XKR4: variants seen among roughly 807,000 people sequenced by gnomAD.
XKR4 encodes the protein XK related 4.
In XKR4, 12 loss-of-function variants were observed where a neutral mutation model predicts 53.9. That is an observed-to-expected ratio of 0.22 (90% confidence interval 0.14 to 0.36). The LOEUF (loss-of-function observed/expected upper bound fraction) is 0.36, where lower values mean the gene tolerates loss of function less well. Ranked by LOEUF, XKR4 falls within the 10% of genes least tolerant of loss-of-function variation. XKR4 has a pLI of 1.00. For missense variants in XKR4, 799 were observed against 859.5 expected, an observed-to-expected ratio of 0.93 and a Z score of 0.88; for synonymous variants, 354 against 362.4, an observed-to-expected ratio of 0.98 and a Z score of 0.26.
intron 1 of XKR4, among the ~76,000 whole-genome samples, chr8:55,187,639 C>T (rs1395482221): frequency 6.6e-6 from 1 of 152,194 alleles, no homozygotes; most frequent in Non-Finnish European, 1.5e-5. Context: ...AAAATACCTT[C>T]ATTTCAGGTT....
intron 2 of XKR4, among the ~76,000 whole-genome samples, chr8:55,365,739 C>T (rs975105583): frequency 6.8e-6 from 1 of 147,614 alleles, no homozygotes; most frequent in African/African-American, 2.5e-5. Context: ...GGATTTAGAT[C>T]GAGGAATGGG....
chr8:55,348,765 T>C (rs547275299), intron 1 of XKR4, among the ~76,000 whole-genome samples: 2 of 147,280 alleles, frequency 1.4e-5, no homozygotes, highest in East Asian at 4.0e-4. Flanking sequence ...GATACAGAAA[T>C]AGGTAGAGAT....
intron 2 of XKR4, among the ~76,000 whole-genome samples, chr8:55,365,356 G>A (rs993736817): frequency 1.3e-5 from 2 of 152,192 alleles, no homozygotes; most frequent in African/African-American, 4.8e-5. Flanking sequence ...TTTTTGTGAT[G>A]ATGTATCAAG....
intron 2 of XKR4, among the ~76,000 whole-genome samples, chr8:55,502,656 T>C (rs1036055342): frequency 6.6e-6 from 1 of 152,146 alleles, no homozygotes; most frequent in African/African-American, 2.4e-5. Flanking sequence ...CAAATATTTT[T>C]CCCATTCTAT....
intron 1 of XKR4, among the ~76,000 whole-genome samples, chr8:55,196,175 C>CTTTT (rs1032613430): frequency 3.1e-4 from 39 of 125,944 alleles, no homozygotes; most frequent in Admixed American, 5.9e-4. Flanking sequence ...GTTGTGCTTC[C>CTTTT]TTTTTTTTTT....
chr8:55,507,159 A>G (rs1214008406), intron 2 of XKR4, among the ~76,000 whole-genome samples: 1 of 152,224 alleles, frequency 6.6e-6, no homozygotes, highest in African/African-American at 2.4e-5. Flanking sequence ...CACATATATA[A>G]CAGCATTGCC....
At chr8:55,471,584 A>G (rs774465928) in intron 2 of XKR4, among the ~76,000 whole-genome samples, 17 of 152,108 alleles carry the variant, frequency 1.1e-4, no homozygotes, top group Non-Finnish European at 2.1e-4. Context: ...AATATAGACA[A>G]TTTGGAGGCC....
chr8:55,349,542 T>G (rs1803698462), intron 1 of XKR4, among the ~76,000 whole-genome samples: 1 of 152,196 alleles, frequency 6.6e-6, no homozygotes, highest in South Asian at 2.1e-4. Flanking sequence ...TAGGAATTTG[T>G]CAGTGATTTT....
At chr8:55,408,288 A>G (rs986180425) in intron 2 of XKR4, among the ~76,000 whole-genome samples, 2 of 152,190 alleles carry the variant, frequency 1.3e-5, no homozygotes, top group Non-Finnish European at 2.9e-5. Context: ...TTTTCTTCCA[A>G]TAGGAATGTT....
At chr8:55,176,623 C>T (rs1042271759) in intron 1 of XKR4, among the ~76,000 whole-genome samples, 2 of 152,166 alleles carry the variant, frequency 1.3e-5, no homozygotes, top group East Asian at 1.9e-4. Flanking sequence ...CATAAATGTC[C>T]AGTTTCTCAA....
At position 55,349,778 on chromosome 8, in the gene XKR4, A is replaced by G. The variant is rs374775357; in HGVS notation, c.807-7900A>G. Among the ~76,000 whole-genome samples the G allele has an allele frequency of 2.6e-5, 4 of 152,246 alleles. No individual in the cohort carries two copies. The East Asian group carries it at 7.7e-4, about 29-fold the overall frequency. Reference sequence around the variant, plus strand: ...TTTAATGATAATACATAAGGGTTTAAGAAAATAAGGACACTTATCACTACC... The same window carrying G: ...TTTAATGATAATACATAAGGGTTTAGGAAAATAAGGACACTTATCACTACC... On this transcript the variant is annotated intron_variant, in intron 1 of 2. Transcript: ENST00000327381.
intron 2 of XKR4, among the ~76,000 whole-genome samples, chr8:55,393,088 A>G (rs999174617): frequency 1.5e-4 from 23 of 152,106 alleles, no homozygotes; most frequent in African/African-American, 5.1e-4. Flanking sequence ...AAAATAATGG[A>G]TTTAGCAAGG....
chr8:55,243,691 A>C (rs552769938), intron 1 of XKR4, among the ~76,000 whole-genome samples: 6 of 152,262 alleles, frequency 3.9e-5, no homozygotes, highest in Non-Finnish European at 8.8e-5. Flanking sequence ...CACCAGCAAT[A>C]AATGAGAGTT....
At chr8:55,445,359 A>G (rs1805332981) in intron 2 of XKR4, among the ~76,000 whole-genome samples, 1 of 152,114 alleles carries the variant, frequency 6.6e-6, no homozygotes, top group Non-Finnish European at 1.5e-5. Flanking sequence ...GCCCGGCCAC[A>G]TGTGTGAATG....
intron 1 of XKR4, among the ~76,000 whole-genome samples, chr8:55,166,767 G>A (rs895545610): frequency 5.3e-5 from 8 of 152,156 alleles, no homozygotes. Context: ...CAGCAAGAAG[G>A]TCAATGTGTC....
intron 2 of XKR4, chr8:55,454,426 G>C: frequency 1.6e-6 from 2 of 1,248,680 alleles, no homozygotes; most frequent in Non-Finnish European, 2.3e-6. Flanking sequence ...TGCAGGCATC[G>C]GTGAGCTGCT....
At chr8:55,439,741 CAT>C (rs549389289) in intron 2 of XKR4, among the ~76,000 whole-genome samples, 184 of 152,092 alleles carry the variant, frequency 1.2e-3, no homozygotes, top group African/African-American at 4.2e-3. Context: ...AAAGGGTTAA[CAT>C]ATATTTAATT....
chr8:55,372,637 G>A (rs1203008358), intron 2 of XKR4, among the ~76,000 whole-genome samples: 1 of 151,866 alleles, frequency 6.6e-6, no homozygotes, highest in Admixed American at 6.6e-5. Flanking sequence ...GTGGGTAAGG[G>A]AAGCTCCCAC....
chr8:55,516,160 G>C (rs1264988191), intron 2 of XKR4, among the ~76,000 whole-genome samples: 2 of 152,090 alleles, frequency 1.3e-5, no homozygotes, highest in Non-Finnish European at 2.9e-5. Context: ...ACAAAGCAAG[G>C]GCCCAACAAA....
Sources: allele counts gnomAD v4.1 joint callset (sites outside exome capture counted in the v4.1 genomes callset), GRCh38; gene constraint gnomAD v4.1.1; transcripts MANE v1.5; gene names NCBI Gene and HGNC (gene_info 2026-07-23, HGNC 2026-07-21).